The following PDE11A variants were observed in gnomAD, a reference collection of about 807,000 sequenced individuals.
PDE11A encodes the protein phosphodiesterase 11A.
In PDE11A, 100 loss-of-function variants were observed where a neutral mutation model predicts 100.5. The observed-to-expected ratio is 1.00, with a 90% CI of 0.85 to 1.18. The LOEUF is 1.18. Among genes scored for constraint, PDE11A ranks in the 50% most tolerant of loss-of-function variants. PDE11A has a pLI of 0.00. For missense variants in PDE11A, 1,141 were observed against 1,152.6 expected (o/e 0.99, Z 0.15); for synonymous variants, 381 against 420.8 (o/e 0.91, Z 1.16).
chr2:178,071,693 C>G lies in PDE11A; in HGVS notation c.745G>C (p.Gly249Arg). ...SLFLVEGAAA[G>R]KKTLVSKFFD... ...AATTTGGAGACCAAGGTCTTCTTGC[C>G]AGCAGCTGCCCCTTCCACCAGGAAA... The change falls in exon 1 of 20, where the codon GGC becomes CGC. Residue 249 changes from glycine to arginine, a missense_variant. Coordinates refer to ENST00000286063, the MANE Select transcript of PDE11A (RefSeq NM_016953.4). 2 of 1,613,838 alleles carry G rather than the reference C, an allele frequency of 1.2e-6. No individual in the cohort carries two copies. The highest frequency in any genetic ancestry group is 3.3e-4 in the Middle Eastern group (2 of 6,062).
At position 178,058,644 on chromosome 2, in the gene PDE11A, A is replaced by C. The variant is rs531193330; in HGVS notation, c.912+12882T>G. Among the ~76,000 whole-genome samples, 107 of 152,236 alleles carry C rather than the reference A, an allele frequency of 7.0e-4. 2 individuals are homozygous for C. Among genetic ancestry groups the C allele is most frequent in the Admixed American group, 4.6e-4 (7 of 15,298 alleles). ...TACATTTCCTTTCCCTCATTTATTCATGTAACATATAACATTTTTATTGAG... is the reference window on the plus strand; with the variant it reads ...TACATTTCCTTTCCCTCATTTATTCCTGTAACATATAACATTTTTATTGAG... On this transcript the variant is annotated intron_variant, in intron 1 of 19. Transcript: ENST00000286063.
At chr2:177,954,267 GA>G (rs1441834995) in intron 2 of PDE11A, among the ~76,000 whole-genome samples, 2 of 152,064 alleles carry the variant, frequency 1.3e-5, no homozygotes, top group South Asian at 2.1e-4. Flanking sequence ...TAATGGGGGG[GA>G]AATGTTACTT....
chr2:178,018,207 C>A, intron 1 of PDE11A: 2 of 379,772 alleles, frequency 5.3e-6, no homozygotes, highest in South Asian at 4.7e-5. Flanking sequence ...ACGGGGTTGT[C>A]AGTGTTTAGC....
chr2:177,849,789 CA>C (rs71010822), intron 5 of PDE11A, among the ~76,000 whole-genome samples: 1 of 143,524 alleles, frequency 7.0e-6, no homozygotes, highest in Non-Finnish European at 1.5e-5. Context: ...GACTCCATCT[CA>C]AAAAAAAAAC....
chr2:177,875,994 A>T, intron 4 of PDE11A, 71 bp from the exon 5 acceptor site: 1 of 885,596 alleles, frequency 1.1e-6, no homozygotes, highest in South Asian at 1.3e-5. Context: ...TGTAATAAAC[A>T]TTTTCATCTT....
chr2:177,768,251 C>T (rs1420718434), intron 10 of PDE11A, among the ~76,000 whole-genome samples: 2 of 152,138 alleles, frequency 1.3e-5, no homozygotes, highest in Non-Finnish European at 2.9e-5. Flanking sequence ...CCTTTGCTCC[C>T]TTTCATCATT....
intron 2 of PDE11A, among the ~76,000 whole-genome samples, chr2:177,933,542 A>G (rs2085235480): frequency 6.6e-6 from 1 of 152,068 alleles, no homozygotes; most frequent in African/African-American, 2.4e-5. Context: ...TTAGCTGGGC[A>G]TGATGGCTTG....
chr2:178,021,573 T>C (rs1001638961), intron 1 of PDE11A, among the ~76,000 whole-genome samples: 2 of 152,122 alleles, frequency 1.3e-5, no homozygotes, highest in South Asian at 2.1e-4. Context: ...TCTGATATTA[T>C]AGAAGGAACA....
In PDE11A at chr2:177,660,079, CTTTCTTTCTTTCTTTCTT is replaced by C. The variant is rs1215178343; in HGVS notation, c.2646+3769_2646+3786del. On this transcript the variant is annotated intron_variant, in intron 19 of 19. Coordinates refer to ENST00000286063, the MANE Select transcript of PDE11A (RefSeq NM_016953.4). ...TCTTTCTTTCTTTCTTTCTTTCTTT[CTTTCTTTCTTTCTTTCTT>C]TCTCTCTCTCTCTCTTTCTTTCTTT... is the stretch of plus-strand genomic sequence containing the variant. Among the ~76,000 whole-genome samples the C allele has an allele frequency of 6.1e-3, 218 of 35,538 alleles. 11 individuals carry two copies. The highest frequency in any genetic ancestry group is 0.014 in the African/African-American group (152 of 11,244). The allele number at this position is 35,538 out of a possible 152,430, so 23.3% of individuals were successfully genotyped here.
chr2:177,832,888 A>G (rs1050699749), intron 6 of PDE11A, among the ~76,000 whole-genome samples: 2 of 152,184 alleles, frequency 1.3e-5, no homozygotes, highest in African/African-American at 4.8e-5. Flanking sequence ...GGAATGAAAG[A>G]TCCTGGAAGT....
At position 177,838,890 on chromosome 2, in the gene PDE11A, T is replaced by C. The variant is rs1574198615; in HGVS notation, c.1500+1361A>G. Among the ~76,000 whole-genome samples the C allele has an allele frequency of 2.6e-5, 4 of 152,170 alleles. No individual in the cohort carries two copies. In the South Asian group the frequency reaches 8.3e-4, roughly 32 times the overall value. ...GGAAAGGTAAGTCAAATTTCAAATT[T>C]AGTGTATAAAAACTGAGGAGAACTA... On this transcript the variant is annotated intron_variant, in intron 6 of 19. Coordinates refer to ENST00000286063, the MANE Select transcript of PDE11A (RefSeq NM_016953.4).
intron 6 of PDE11A, among the ~76,000 whole-genome samples, chr2:177,837,868 C>A (rs7592731): frequency 0.23 from 35,103 of 152,038 alleles, 4,128 homozygotes; most frequent in Middle Eastern, 0.3. Context: ...TCAGGTAATA[C>A]GGGATTTAAA....
intron 2 of PDE11A, among the ~76,000 whole-genome samples, chr2:177,916,915 C>A (rs2084961912): frequency 6.8e-6 from 1 of 147,326 alleles, no homozygotes; most frequent in South Asian, 2.2e-4. Context: ...TGTCTGCCAC[C>A]ACGCCCGGCT....
chr2:177,876,006 A>G (rs2105695968), intron 4 of PDE11A, 83 bp from the exon 5 acceptor site: 4 of 811,854 alleles, frequency 4.9e-6, no homozygotes, highest in Non-Finnish European at 8.6e-6. Context: ...TTTCATCTTT[A>G]TAATGATTAT....
rs1396973586 is a variant in PDE11A at position 177,627,691 on chromosome 2, C to T, written c.*1716G>A. On this transcript the variant is annotated 3_prime_UTR_variant, in exon 20 of 20. Coordinates refer to ENST00000286063, the MANE Select transcript of PDE11A (RefSeq NM_016953.4). ...TGAAACCCTGTGTCTACTAAAAGTA[C>T]AAAAATTAGCCAGGCGTGGTGGCAG... The T allele has an allele frequency of 6.6e-6, 1 of 151,952 alleles. No homozygotes were observed. The highest frequency in any genetic ancestry group is 1.5e-5 in the Non-Finnish European group (1 of 67,992). 9.4% of individuals were successfully genotyped at this position (151,952 alleles called of 1,614,324 possible).
chr2:177,843,343 G>A (rs1316498627), intron 5 of PDE11A, among the ~76,000 whole-genome samples: 1 of 152,166 alleles, frequency 6.6e-6, no homozygotes, highest in Non-Finnish European at 1.5e-5. Context: ...AGCAAGAATA[G>A]TGGGTTGTCA....
intron 9 of PDE11A, 94 bp from the exon 10 acceptor site, chr2:177,769,467 A>G (rs1215730582): frequency 2.7e-6 from 2 of 732,870 alleles, no homozygotes; most frequent in Admixed American, 2.1e-5. Flanking sequence ...GCTTATGTAT[A>G]TCACCTTGAT....
intron 15 of PDE11A, among the ~76,000 whole-genome samples, chr2:177,693,859 T>C (rs1438100431): frequency 6.6e-6 from 1 of 152,248 alleles, no homozygotes; most frequent in African/African-American, 2.4e-5. Flanking sequence ...GATTGCATCA[T>C]TTCTAAGATC....
intron 15 of PDE11A, among the ~76,000 whole-genome samples, chr2:177,686,363 T>A (rs1423011119): frequency 6.6e-6 from 1 of 152,136 alleles, no homozygotes. Flanking sequence ...TCCCAGTAGT[T>A]GGAGACCAGC....
Sources: allele counts gnomAD v4.1 joint callset (sites outside exome capture counted in the v4.1 genomes callset), GRCh38; gene constraint gnomAD v4.1.1; transcripts MANE v1.5; gene names NCBI Gene and HGNC (gene_info 2026-07-23, HGNC 2026-07-21).